Variants in SLC4A9 observed in about 807,000 individuals in gnomAD.
The protein encoded by SLC4A9 is anion exchange protein 4.
Under a neutral mutation model 103.2 loss-of-function variants are expected in SLC4A9, and 102 were observed. The observed-to-expected ratio is 0.99, with a 90% CI of 0.84 to 1.17. The LOEUF (loss-of-function observed/expected upper bound fraction) is 1.17. SLC4A9 is among the 50% of genes most tolerant of loss of function. The pLI is 0.00. For missense variants in SLC4A9, 1,091 were observed against 1,193.7 expected, an observed-to-expected ratio of 0.91 and a Z score of 1.27; for synonymous variants, 453 against 483.6, an observed-to-expected ratio of 0.94 and a Z score of 0.83.
chr5:140,365,673 C>T, intron 12 of SLC4A9, 95 bp downstream of exon 12: 3 of 1,459,008 alleles, frequency 2.1e-6, no homozygotes, highest in Non-Finnish European at 2.8e-6. Context: ...GTTAAGGAAA[C>T]CTTCATAGGT....
chr5:140,374,326 G>A (rs889528555), intron 21 of SLC4A9, among the ~76,000 whole-genome samples: 4 of 152,098 alleles, frequency 2.6e-5, no homozygotes, highest in South Asian at 4.1e-4. Context: ...TTGGGAGGCC[G>A]AGGCGGGTGG....
At position 140,372,725 on chromosome 5, in the gene SLC4A9, T is replaced by C. The variant is rs1242052775; in HGVS notation, c.2827-20T>C. 2.6e-6 allele frequency: 4 copies of C among 1,553,408 alleles called. No homozygotes were observed. Among genetic ancestry groups the C allele is most frequent in the African/African-American group, 2.7e-5 (2 of 73,110 alleles). Reference sequence around the variant, plus strand: ...TCTTTCTATCTATTCTCAATCCATCTTGGGATCTGTCTTCCACAGTCAGAG... The same window carrying C: ...TCTTTCTATCTATTCTCAATCCATCCTGGGATCTGTCTTCCACAGTCAGAG... On this transcript the variant is annotated intron_variant, in intron 20 of 21. Coordinates refer to ENST00000506757, the MANE Select transcript of SLC4A9 (RefSeq NM_031467.3).
Position 140,363,842 on chromosome 5 carries a change from C to T in SLC4A9, c.1194C>T (p.Ala398=). The part of the protein sequence containing the change: ...CFSAVLYIYL[A]TVTNAITFGG... ...CGGCCGTACTCTACATTTACCTGGCCACTGTCACTAATGCCATCACTTTTG... is the reference window on the plus strand; with the variant it reads ...CGGCCGTACTCTACATTTACCTGGCTACTGTCACTAATGCCATCACTTTTG... Residue 398 remains alanine, a synonymous_variant, in exon 9 of 22, where the codon GCC becomes GCT. Transcript: ENST00000506757. This position sits in a 1 kb window ranked among gnomAD's most constrained non-coding sequence, Gnocchi z 4.5. 6.2e-7 allele frequency: 1 copy of T among 1,614,040 alleles called. No individual in the cohort carries two copies. Among genetic ancestry groups the T allele is most frequent in the Admixed American group, 1.7e-5 (1 of 60,028 alleles).
At chr5:140,370,893 A>G (rs1768613184) in intron 17 of SLC4A9, 1 of 554,556 alleles carries the variant, frequency 1.8e-6, no homozygotes, top group African/African-American at 1.9e-5. Flanking sequence ...CCAATCTGTA[A>G]AATGAAGGCA....
At chr5:140,367,928 G>C in intron 16 of SLC4A9, 30 bp downstream of exon 16, 1 of 1,611,330 alleles carries the variant, frequency 6.2e-7, no homozygotes, top group East Asian at 2.2e-5. Context: ...AGTGGAGTAA[G>C]AGGTGGGCAG....
chr5:140,372,695 A>T, intron 20 of SLC4A9, 50 bp from the exon 21 acceptor site: 1 of 1,490,080 alleles, frequency 6.7e-7, no homozygotes, highest in South Asian at 1.3e-5. Flanking sequence ...GTCTTTCACT[A>T]TCTGTCTTTC....
At position 140,367,497 on chromosome 5, in the gene SLC4A9, G is replaced by A. The variant is rs1348749410; in HGVS notation, c.2091G>A (p.Leu697=). ...GGTGGTGGAGTGTGGCAGCTGCCCT[G>A]CCTGCCCTGCTGCTGTCTATCCTCA... ...NPWWWSVAAA[L]PALLLSILIF... is the part of the protein sequence containing the mutation. The change falls in exon 15 of 22, where the codon CTG becomes CTA. Residue 697 remains leucine (L), a synonymous_variant. Coordinates refer to ENST00000506757, the MANE Select transcript of SLC4A9 (RefSeq NM_031467.3). 2.5e-6 allele frequency: 4 copies of A among 1,605,504 alleles called. No homozygotes were observed. The highest frequency in any genetic ancestry group is 2.7e-5 in the African/African-American group (2 of 74,856).
chr5:140,361,347 C>T lies in SLC4A9; in HGVS notation c.485C>T (p.Thr162Ile). 6.4e-7 allele frequency: 1 copy of T among 1,558,530 alleles called. No homozygotes were observed. The highest frequency in any genetic ancestry group is 8.7e-7 in the Non-Finnish European group (1 of 1,150,976). ...LQRPQHYNQT[T>I]GTRPCWGSTH... ...AGACCCCAGCATTACAACCAGACCA[C>T]AGGCACCAGGCCCTGCTGGGGTGAG... is the stretch of plus-strand genomic sequence containing the variant. Residue 162 changes from threonine (T) to isoleucine (I), a missense_variant, in exon 3 of 22, where the codon ACA becomes ATA. By Grantham distance (89) the Thr-to-Ile change is moderately conservative. Coordinates refer to ENST00000506757, the MANE Select transcript of SLC4A9 (RefSeq NM_031467.3).
At chr5:140,366,829 A>G (rs375935465) in intron 14 of SLC4A9, among the ~76,000 whole-genome samples, 86 of 152,266 alleles carry the variant, frequency 5.6e-4, no homozygotes, top group African/African-American at 2.0e-3. Context: ...ACCCTGATCC[A>G]GGAAAGCTGG....
chr5:140,372,220 G>A, intron 19 of SLC4A9, 22 bp from the exon 20 acceptor site: 1 of 1,534,846 alleles, frequency 6.5e-7, no homozygotes, highest in Non-Finnish European at 8.7e-7. Context: ...GACAGGCCTG[G>A]GCCATGTTTC....
chr5:140,367,130 C>T (rs1768001690), intron 14 of SLC4A9, among the ~76,000 whole-genome samples: 1 of 152,206 alleles, frequency 6.6e-6, no homozygotes, highest in South Asian at 2.1e-4. Flanking sequence ...CTCTGTACAT[C>T]AAGAAGTGTG....
At chr5:140,372,425 A>G in intron 20 of SLC4A9, 28 bp downstream of exon 20, 2 of 1,601,390 alleles carry the variant, frequency 1.2e-6, no homozygotes, top group South Asian at 2.3e-5. Context: ...TCCTCTCAGG[A>G]GAATGTGTCA....
chr5:140,364,137 C>T lies in SLC4A9; in HGVS notation c.1338C>T (p.Ser446=). ...LMAGQPLTIL[S]STGPVLVFER... is the part of the protein sequence containing the mutation. ...CAGGCCAGCCCCTCACCATTCTGAG[C>T]AGCACGGGGCCAGTGCTGGTCTTTG... is the stretch of plus-strand genomic sequence containing the variant. Residue 446 remains serine, a synonymous_variant, in exon 10 of 22, where the codon AGC becomes AGT. Coordinates refer to ENST00000506757, the MANE Select transcript of SLC4A9 (RefSeq NM_031467.3). 6.3e-7 allele frequency: 1 copy of T among 1,593,880 alleles called. No homozygotes were observed. Among genetic ancestry groups the T allele is most frequent in the Non-Finnish European group, 8.6e-7 (1 of 1,169,510 alleles).
chr5:140,364,729 C>CAGCAAA, intron 11 of SLC4A9, 104 bp downstream of exon 11: 1 of 1,349,060 alleles, frequency 7.4e-7, no homozygotes, highest in Non-Finnish European at 1.0e-6. Flanking sequence ...CAAAATGCTG[C>CAGCAAA]ATACTTACCC....
rs1329779152 is a variant in SLC4A9 at position 140,362,985 on chromosome 5, A to G, written c.881A>G (p.Glu294Gly). 6.2e-7 allele frequency: 1 copy of G among 1,612,658 alleles called. No individual in the cohort carries two copies. The highest frequency in any genetic ancestry group is 8.5e-7 in the Non-Finnish European group (1 of 1,179,562). ...GCAGCCCTGGATGCATTCCTAGAGG[A>G]GGTGACAGTGCTTCCCCCAGGTCGG... ...LLAALDAFLEEVTVLPPGRWD... is the reference protein window; with the variant it reads ...LLAALDAFLEGVTVLPPGRWD... Residue 294 changes from glutamate to glycine, a missense_variant, in exon 7 of 22, where the codon GAG (glutamate) becomes GGG (glycine). Transcript: ENST00000506757.
In SLC4A9 at chr5:140,360,862, C is replaced by T. The variant is rs1766967203; in HGVS notation, c.281C>T (p.Ala94Val). Reference sequence around the variant, plus strand: ...GAGGTGGCTGCAGGCCGGTGGAGTGCCCCCCACGTGCCCACCCTGGCACTG... The same window carrying T: ...GAGGTGGCTGCAGGCCGGTGGAGTGTCCCCCACGTGCCCACCCTGGCACTG... ...KLEVAAGRWS[A>V]PHVPTLALPS... Residue 94 changes from alanine to valine, a missense_variant, in exon 2 of 22, where the codon GCC becomes GTC. Ala to Val is a moderately conservative substitution (Grantham distance 64). Coordinates refer to ENST00000506757, the MANE Select transcript of SLC4A9 (RefSeq NM_031467.3). 1 of 1,612,680 alleles carries T rather than the reference C, an allele frequency of 6.2e-7. No homozygotes were observed. The highest frequency in any genetic ancestry group is 8.5e-7 in the Non-Finnish European group (1 of 1,179,594).
chr5:140,364,229 T>C, intron 10 of SLC4A9, 42 bp downstream of exon 10: 2 of 1,569,350 alleles, frequency 1.3e-6, no homozygotes, highest in Non-Finnish European at 1.7e-6. Flanking sequence ...ACTAGTGCCA[T>C]GGTCAGCCTG....
In SLC4A9 at chr5:140,363,009, G is replaced by A. The variant is rs201470523; in HGVS notation, c.905G>A (p.Arg302Gln). The A allele has an allele frequency of 3.0e-5, 49 of 1,612,372 alleles. No individual in the cohort carries two copies. In the East Asian group the frequency reaches 3.6e-4, roughly 12 times the overall value. ...LEEVTVLPPG[R>Q]WDPTARIPPP... ...GAGGTGACAGTGCTTCCCCCAGGTC[G>A]GTGGGACCCAACAGCCCGGATTCCC... The change falls in exon 7 of 22, where the codon CGG becomes CAG. Residue 302 changes from arginine to glutamine, a missense_variant. Physicochemically the swap from Arg to Gln is conservative, Grantham distance 43 (BLOSUM62 1). Transcript: ENST00000506757. This position sits in a 1 kb window ranked among gnomAD's most constrained non-coding sequence, Gnocchi z 4.5.
intron 20 of SLC4A9, 137 bp downstream of exon 20, chr5:140,372,534 G>C (rs1470363684): frequency 6.8e-7 from 1 of 1,470,564 alleles, no homozygotes; most frequent in Non-Finnish European, 9.0e-7. Context: ...TCTGTGTATG[G>C]ACATAGGCAG....
Sources: gnomAD v4.1 joint callset for allele counts (sites outside exome capture counted in the v4.1 genomes callset) on GRCh38, gnomAD v4.1.1 for gene constraint, Gnocchi (gnomAD v3.1) non-coding constraint, MANE v1.5 for transcripts, NCBI Gene and HGNC (gene_info 2026-07-23, HGNC 2026-07-21) for gene names.